The following ERVK3-1 variants were observed in gnomAD, a reference collection of about 807,000 sequenced individuals.
The protein encoded by ERVK3-1 is HERV-K(HML6-1).
In ERVK3-1 at chr19:58,312,268, C is replaced by T. The variant is rs141144438; in HGVS notation, c.100C>T (p.Arg34Ter). 8.7e-5 allele frequency: 35 copies of T among 400,066 alleles called. No individual in the cohort carries two copies. Among genetic ancestry groups the T allele is most frequent in the Middle Eastern group, 6.3e-4 (1 of 1,588 alleles). 24.8% of individuals were successfully genotyped at this position (400,066 alleles called of 1,614,324 possible). Residue 34 changes from arginine to a stop codon, truncating the protein, a stop_gained, in exon 3 of 4, where the codon CGA (arginine) becomes TGA (stop). Coordinates refer to ENST00000413518, the Ensembl canonical transcript of ERVK3-1. LOFTEE classifies it high-confidence loss of function. The surrounding 1 kb of genome is among the most constrained non-coding windows in gnomAD (Gnocchi z 4.7). ...AACCGTGGGCCTGTTACCTCCAGTACGAGCCATGAGCCAGCGGAATCTGAA... is the reference window on the plus strand; with the variant it reads ...AACCGTGGGCCTGTTACCTCCAGTATGAGCCATGAGCCAGCGGAATCTGAA...
downstream of ERVK3-1, among the ~76,000 whole-genome samples, chr19:58,316,217 A>G (rs2051591748): frequency 6.6e-6 from 1 of 152,018 alleles, no homozygotes; most frequent in Admixed American, 6.6e-5. Context: ...GCTCTACACC[A>G]CTACCTCCTC....
At chr19:58,314,348 C>T (rs900957595) in intron 3 of ERVK3-1, among the ~76,000 whole-genome samples, 26 of 151,604 alleles carry the variant, frequency 1.7e-4, no homozygotes, top group South Asian at 4.2e-4. Flanking sequence ...CAACCCTGGC[C>T]GGGTGCGGTG....
chr19:58,305,988 C>T (rs1395367571), intron 1 of ERVK3-1, 100 bp from the exon 2 acceptor site: 1 of 152,230 alleles, frequency 6.6e-6, no homozygotes, highest in Non-Finnish European at 1.5e-5. Flanking sequence ...AGCTCAGGGC[C>T]CTGTTCCCTA....
exon 4 of ERVK3-1, chr19:58,314,902 C>G (rs2051581216): frequency 2.5e-6 from 1 of 395,578 alleles, no homozygotes; most frequent in East Asian, 3.6e-5. Context: ...GCTCTGTGAG[C>G]AAACAGCAAA....
intron 2 of ERVK3-1, chr19:58,311,189 A>T (rs750716147): frequency 6.6e-6 from 1 of 152,372 alleles, no homozygotes; most frequent in Non-Finnish European, 1.5e-5. Flanking sequence ...ATTTTATTAT[A>T]CTGGAACAGC....
At chr19:58,314,678 A>G (rs1374293457) in intron 3 of ERVK3-1, 70 bp from the exon 4 acceptor site, 5 of 398,510 alleles carry the variant, frequency 1.3e-5, no homozygotes, top group African/African-American at 2.1e-5. Context: ...TACCTTAAAC[A>G]TAACTTCAAT....
intron 3 of ERVK3-1, among the ~76,000 whole-genome samples, chr19:58,314,126 C>T (rs2051574563): frequency 6.6e-6 from 1 of 152,172 alleles, no homozygotes; most frequent in Non-Finnish European, 1.5e-5. Flanking sequence ...TCATTTCAAT[C>T]ATATTCATAT....
At chr19:58,307,607 G>A (rs1391119242) in intron 2 of ERVK3-1, among the ~76,000 whole-genome samples, 6 of 138,040 alleles carry the variant, frequency 4.3e-5, no homozygotes, top group East Asian at 2.0e-4. Context: ...ATGCAATACC[G>A]CCCCCCCCTC....
In ERVK3-1 at chr19:58,312,176, A is replaced by G; in HGVS notation, c.8A>G (p.Lys3Arg). Reference sequence around the variant, plus strand: ...CTTGTGTTTTTACAGGAGATGGACAAACCGTGTGGGTGCCCTCCAGGTGTG... The same window carrying G: ...CTTGTGTTTTTACAGGAGATGGACAGACCGTGTGGGTGCCCTCCAGGTGTG... Residue 3 changes from lysine (K) to arginine (R), a missense_variant, in exon 3 of 4, where the codon AAA (lysine) becomes AGA (arginine). Coordinates refer to ENST00000413518, the Ensembl canonical transcript of ERVK3-1. This position sits in a 1 kb window ranked among gnomAD's most constrained non-coding sequence, Gnocchi z 4.7. The G allele has an allele frequency of 2.5e-6, 1 of 400,190 alleles. No homozygotes were observed. The highest frequency in any genetic ancestry group is 4.4e-6 in the Non-Finnish European group (1 of 226,112). 24.8% of individuals were successfully genotyped at this position (400,190 alleles called of 1,614,324 possible). A position where few individuals can be genotyped will look rare whatever the true frequency, so the allele number is the denominator to read the frequency against.
At chr19:58,308,645 A>G (rs529951814) in intron 2 of ERVK3-1, among the ~76,000 whole-genome samples, 2 of 152,300 alleles carry the variant, frequency 1.3e-5, no homozygotes, top group African/African-American at 2.4e-5. Context: ...CTGGGCAAAC[A>G]GATAGGAAAG....
chr19:58,316,747 G>C (rs746900617), downstream of ERVK3-1, among the ~76,000 whole-genome samples: 4 of 152,106 alleles, frequency 2.6e-5, no homozygotes, highest in Non-Finnish European at 5.9e-5. Flanking sequence ...TGTTACAAAG[G>C]TACCTATCTA....
chr19:58,306,706 C>CA (rs1433283880), intron 2 of ERVK3-1: 2 of 152,170 alleles, frequency 1.3e-5, no homozygotes, highest in African/African-American at 2.4e-5. Context: ...GACCCCAGTA[C>CA]AAAAAATTCT....
In ERVK3-1 at chr19:58,312,485, C is replaced by G; in HGVS notation, c.294+23C>G. Reference sequence around the variant, plus strand: ...GCGGTATGTTTCCCCTGTGTAGAGGCAAAAACATATTGGGCATATGTTCCT... The same window carrying G: ...GCGGTATGTTTCCCCTGTGTAGAGGGAAAAACATATTGGGCATATGTTCCT... On this transcript the variant is annotated intron_variant, in intron 3 of 3. Transcript: ENST00000413518. The surrounding 1 kb of genome is among the most constrained non-coding windows in gnomAD (Gnocchi z 4.7). The G allele has an allele frequency of 2.5e-6, 1 of 399,816 alleles. No individual in the cohort carries two copies. Among genetic ancestry groups the G allele is most frequent in the South Asian group, 1.3e-4 (1 of 7,842 alleles). 24.8% of individuals were successfully genotyped at this position (399,816 alleles called of 1,614,324 possible).
At position 58,310,384 on chromosome 19, in the gene ERVK3-1, G is replaced by A. The variant is rs1011627385; in HGVS notation, c.-3-1782G>A. On this transcript the variant is annotated intron_variant, in intron 2 of 3. Transcript: ENST00000413518. This position sits in a 1 kb window ranked among gnomAD's most constrained non-coding sequence, Gnocchi z 4.7. ...CCTGGGGGACCACTACCACCAATGCGCGGAGACCGGTAGTGGCCCCGAATG... is the reference window on the plus strand; with the variant it reads ...CCTGGGGGACCACTACCACCAATGCACGGAGACCGGTAGTGGCCCCGAATG... The A allele has an allele frequency of 6.7e-5, 11 of 165,236 alleles. No individual in the cohort carries two copies. In the South Asian group the frequency reaches 1.8e-3, roughly 27 times the overall value. The allele number at this position is 165,236 out of a possible 1,614,324, so 10.2% of individuals were successfully genotyped here. A position where few individuals can be genotyped will look rare whatever the true frequency, so the allele number is the denominator to read the frequency against.
At chr19:58,316,323 C>G (rs2051592545), downstream of ERVK3-1, among the ~76,000 whole-genome samples, 1 of 152,166 alleles carries the variant, frequency 6.6e-6, no homozygotes, top group Non-Finnish European at 1.5e-5. Flanking sequence ...CCACCCCTCT[C>G]TTTAAACCCT....
intron 2 of ERVK3-1, 177 bp from the exon 3 acceptor site, chr19:58,311,989 T>C (rs1378564600): frequency 1.0e-5 from 4 of 393,374 alleles, no homozygotes; most frequent in African/African-American, 8.2e-5. Context: ...TTGTTTACTT[T>C]AAATTGTTTG....
intron 3 of ERVK3-1, among the ~76,000 whole-genome samples, chr19:58,314,435 G>T (rs193013846): frequency 6.6e-6 from 1 of 151,894 alleles, no homozygotes; most frequent in Non-Finnish European, 1.5e-5. Flanking sequence ...GACCATCCTG[G>T]CTAAAACAGT....
exon 4 of ERVK3-1, chr19:58,314,781 T>G (rs1227792102): frequency 2.5e-6 from 1 of 399,996 alleles, no homozygotes; most frequent in Non-Finnish European, 4.4e-6. Flanking sequence ...AACCGGCAAT[T>G]GAAAGCTGCA....
In ERVK3-1 at chr19:58,310,927, A is replaced by G. The variant is rs532396676; in HGVS notation, c.-3-1239A>G. The G allele has an allele frequency of 1.4e-3, 503 of 348,452 alleles. No homozygotes were observed. The highest frequency in any genetic ancestry group is 5.7e-3 in the African/African-American group (267 of 46,774). The allele number at this position is 348,452 out of a possible 1,614,324, so 21.6% of individuals were successfully genotyped here. A position where few individuals can be genotyped will look rare whatever the true frequency, so the allele number is the denominator to read the frequency against. ...GGTCTTCCCAAACGCTGGCGTCACC[A>G]CTAGACCAAGGAGCCCTCTGGTGGC... On this transcript the variant is annotated intron_variant, in intron 2 of 3. Coordinates refer to ENST00000413518, the Ensembl canonical transcript of ERVK3-1. The surrounding 1 kb of genome is among the most constrained non-coding windows in gnomAD (Gnocchi z 4.7).
Sources: gnomAD v4.1 joint callset for allele counts (sites outside exome capture counted in the v4.1 genomes callset) on GRCh38, gnomAD v4.1.1 for gene constraint, Gnocchi (gnomAD v3.1) non-coding constraint, MANE v1.5 for transcripts, NCBI Gene and HGNC (gene_info 2026-07-23, HGNC 2026-07-21) for gene names.